The following COPS7A variants were observed in gnomAD, a reference collection of about 807,000 sequenced individuals.
The protein encoded by COPS7A is COP9 signalosome subunit 7A, also known as COP9 signalosome complex subunit 7a.
In COPS7A, 20 loss-of-function variants were observed where a neutral mutation model predicts 35.2. The observed-to-expected ratio is 0.57, with a 90% confidence interval of 0.40 to 0.83. The LOEUF (loss-of-function observed/expected upper bound fraction) is 0.83. Ranked by LOEUF, COPS7A falls within the 40% of genes least tolerant of loss-of-function variation. The pLI is 0.00. For synonymous variants in COPS7A, 139 were observed against 141.4 expected, an observed-to-expected ratio of 0.98 and a Z score of 0.12; for missense variants, 247 against 347.5, an observed-to-expected ratio of 0.71 and a Z score of 2.30.
chr12:6,727,704 C>T, intron 2 of COPS7A: 1 of 667,556 alleles, frequency 1.5e-6, no homozygotes. Flanking sequence ...AGCAAGAGGG[C>T]ATTGTGGTTT....
intron 1 of COPS7A, chr12:6,724,390 T>A (rs772161990): frequency 3.9e-5 from 21 of 533,432 alleles, no homozygotes; most frequent in Non-Finnish European, 7.0e-5. Flanking sequence ...TTCAATGGGG[T>A]GCACGTGATG....
In COPS7A at chr12:6,730,758, G is replaced by C. The variant is rs1287559389; in HGVS notation, c.726G>C (p.Leu242=). Residue 242 remains leucine (L), a synonymous_variant, in exon 7 of 8, where the codon CTG becomes CTC. Transcript: ENST00000543155. The stretch of plus-strand genomic sequence containing the variant: ...ACCCTGAGCAACACCTGACTGAGCT[G>C]AGGGAACCAGCTCCTGGCACCAACC... ...SQDPEQHLTE[L]REPAPGTNQR... is the part of the protein sequence containing the mutation. The C allele has an allele frequency of 6.2e-7, 1 of 1,614,210 alleles. No homozygotes were observed. Among genetic ancestry groups the C allele is most frequent in the East Asian group, 2.2e-5 (1 of 44,888 alleles).
chr12:6,731,313 T>C lies in COPS7A; in HGVS notation c.*274T>C. ...CCCTTGTTTCCTTAAGAGCTCAGCA[T>C]CTGTCCCTGTTCATTACATGTCATT... On this transcript the variant is annotated 3_prime_UTR_variant, in exon 8 of 8. Coordinates refer to ENST00000543155, the MANE Select transcript of COPS7A (RefSeq NM_001164094.2). 7.0e-7 allele frequency: 1 copy of C among 1,428,974 alleles called. No homozygotes were observed. The highest frequency in any genetic ancestry group is 9.1e-7 in the Non-Finnish European group (1 of 1,095,872). 88.5% of individuals were successfully genotyped at this position (1,428,974 alleles called of 1,614,324 possible). A position where few individuals can be genotyped will look rare whatever the true frequency, so the allele number is the denominator to read the frequency against.
chr12:6,724,566 C>T, intron 1 of COPS7A, 48 bp from the exon 2 acceptor site: 7 of 1,514,722 alleles, frequency 4.6e-6, no homozygotes, highest in Non-Finnish European at 6.4e-6. Context: ...TGCTTCCCAT[C>T]CGACCAGCCA....
intron 2 of COPS7A, 117 bp downstream of exon 2, chr12:6,724,935 T>A: frequency 8.8e-7 from 1 of 1,139,702 alleles, no homozygotes; most frequent in Non-Finnish European, 1.3e-6. Flanking sequence ...AAGAAAACAG[T>A]GATAATTAAA....
At position 6,729,149 on chromosome 12, in the gene COPS7A, C is replaced by T; in HGVS notation, c.328-98C>T. 1 of 1,169,758 alleles carries T rather than the reference C, an allele frequency of 8.5e-7. No homozygotes were observed. Among genetic ancestry groups the T allele is most frequent in the Non-Finnish European group, 1.3e-6 (1 of 788,452 alleles). 72.5% of individuals were successfully genotyped at this position (1,169,758 alleles called of 1,614,324 possible). On this transcript the variant is annotated intron_variant, in intron 4 of 7. Transcript: ENST00000543155. This position sits in a 1 kb window ranked among gnomAD's most constrained non-coding sequence, Gnocchi z 4.2. ...GTGATTTAGGAATGGGAGTGGAGGG[C>T]AGGTGGGCTAGGGCAGGGGGAAAAG...
Position 6,729,015 on chromosome 12 carries a change from T to G in COPS7A, c.328-232T>G. ...TTCTGTGGTGTGTCAGGGGTGAGGG[T>G]GTTAGGGGAGCATTTTGTATTTTAT... On this transcript the variant is annotated intron_variant, in intron 4 of 7. Coordinates refer to ENST00000543155, the MANE Select transcript of COPS7A (RefSeq NM_001164094.2). This position sits in a 1 kb window ranked among gnomAD's most constrained non-coding sequence, Gnocchi z 4.2. 3 of 526,464 alleles carry G rather than the reference T, an allele frequency of 5.7e-6. No homozygotes were observed. Among genetic ancestry groups the G allele is most frequent in the Non-Finnish European group, 6.9e-6 (2 of 290,992 alleles). 32.6% of individuals were successfully genotyped at this position (526,464 alleles called of 1,614,324 possible).
rs761197949 is a variant in COPS7A, at chr12:6,724,852, C to A, written c.162+34C>A. 33 of 1,607,538 alleles carry A rather than the reference C, an allele frequency of 2.1e-5. No individual in the cohort carries two copies. The Admixed American group carries it at 3.3e-4, about 16-fold the overall frequency. On this transcript the variant is annotated intron_variant, in intron 2 of 7. Coordinates refer to ENST00000543155, the MANE Select transcript of COPS7A (RefSeq NM_001164094.2). ...CTGGCTTGAATAGCCCTCAGAGAAG[C>A]GTGGGCAAAGGTTTGAATTTGAGAA...
chr12:6,724,225 CT>C, intron 1 of COPS7A, 46 bp downstream of exon 1: 1 of 305,062 alleles, frequency 3.3e-6, no homozygotes, highest in Non-Finnish European at 6.5e-6. Context: ...TGGGCGGTGT[CT>C]TTAAGGGAGG....
intron 3 of COPS7A, 83 bp downstream of exon 3, chr12:6,728,084 T>C: frequency 6.6e-7 from 1 of 1,505,966 alleles, no homozygotes; most frequent in Non-Finnish European, 9.2e-7. Flanking sequence ...ATTCCTGGGA[T>C]ATCCCACTTA....
chr12:6,727,018 C>T (rs1941274083), intron 2 of COPS7A, among the ~76,000 whole-genome samples: 1 of 152,156 alleles, frequency 6.6e-6, no homozygotes, highest in African/African-American at 2.4e-5. Context: ...TAGGTAGCAA[C>T]CTTCTGCAAG....
At chr12:6,726,726 A>T (rs1473722712) in intron 2 of COPS7A, among the ~76,000 whole-genome samples, 2 of 151,688 alleles carry the variant, frequency 1.3e-5, no homozygotes, top group Non-Finnish European at 2.9e-5. Flanking sequence ...GCGCCACTGC[A>T]CTCCAGCCTG....
At chr12:6,724,541 A>T (rs1941200351) in intron 1 of COPS7A, 73 bp from the exon 2 acceptor site, 2 of 1,246,840 alleles carry the variant, frequency 1.6e-6, no homozygotes, top group Non-Finnish European at 2.3e-6. Flanking sequence ...TTTACAATCC[A>T]GTCCCTCAGC....
Position 6,731,503 on chromosome 12 carries a change from C to G in COPS7A, c.*464C>G, listed in dbSNP as rs2137762356. The G allele has an allele frequency of 4.0e-6, 1 of 249,462 alleles. No individual in the cohort carries two copies. Among genetic ancestry groups the G allele is most frequent in the South Asian group, 1.6e-4 (1 of 6,212 alleles). The allele number at this position is 249,462 out of a possible 1,614,324, so 15.5% of individuals were successfully genotyped here. ...CATAGGGCCCCCACCTTTACTCACA[C>G]CCTGAGAATTCTGGGAGCCAGTCTG... On this transcript the variant is annotated 3_prime_UTR_variant, in exon 8 of 8. Coordinates refer to ENST00000543155, the MANE Select transcript of COPS7A (RefSeq NM_001164094.2).
chr12:6,730,653 C>T lies in COPS7A; in HGVS notation c.637-16C>T, dbSNP rs1460648295. On this transcript the variant is annotated splice_polypyrimidine_tract_variant and intron_variant, in intron 6 of 7. Transcript: ENST00000543155. ...TGGAACCTTCCTTGCTATCCCCATT[C>T]CTTTCATCCTGGTAGGTTGCCAACC... 5 of 1,613,900 alleles carry T rather than the reference C, an allele frequency of 3.1e-6. No individual in the cohort carries two copies. Among genetic ancestry groups the T allele is most frequent in the Non-Finnish European group, 3.4e-6 (4 of 1,179,956 alleles).
intron 4 of COPS7A, among the ~76,000 whole-genome samples, chr12:6,728,707 C>A (rs1336518865): frequency 6.6e-6 from 1 of 152,080 alleles, no homozygotes; most frequent in Admixed American, 6.6e-5. Context: ...TGTTTTTTGT[C>A]TAATATCACC....
chr12:6,730,870 C>CAAA, intron 7 of COPS7A, 50 bp downstream of exon 7: 1 of 1,606,308 alleles, frequency 6.2e-7, no homozygotes, highest in Non-Finnish European at 8.5e-7. Flanking sequence ...CCTGCTTTTA[C>CAAA]CCCAGGGACC....
At chr12:6,728,510 C>A (rs1194057598) in intron 4 of COPS7A, among the ~76,000 whole-genome samples, 199 bp downstream of exon 4, 2 of 152,152 alleles carry the variant, frequency 1.3e-5, no homozygotes, top group African/African-American at 4.8e-5. Flanking sequence ...TTTTAATCAA[C>A]TTAAGTTCTA....
chr12:6,724,157 C>T lies in COPS7A; in HGVS notation c.-66C>T. 4.0e-6 allele frequency: 1 copy of T among 249,138 alleles called. No homozygotes were observed. Among genetic ancestry groups the T allele is most frequent in the Non-Finnish European group, 8.1e-6 (1 of 122,828 alleles). 15.4% of individuals were successfully genotyped at this position (249,138 alleles called of 1,614,324 possible). A position where few individuals can be genotyped will look rare whatever the true frequency, so the allele number is the denominator to read the frequency against. Reference sequence around the variant, plus strand: ...GCTGGAGGTCGAAGCTTCCAGGTAGCGGCCCGCAGAGCCTGACCCAGGGTA... The same window carrying T: ...GCTGGAGGTCGAAGCTTCCAGGTAGTGGCCCGCAGAGCCTGACCCAGGGTA... On this transcript the variant is annotated 5_prime_UTR_variant, in exon 1 of 8. Coordinates refer to ENST00000543155, the MANE Select transcript of COPS7A (RefSeq NM_001164094.2).
Sources: allele counts gnomAD v4.1 joint callset (sites outside exome capture counted in the v4.1 genomes callset), GRCh38; gene constraint gnomAD v4.1.1; non-coding constraint Gnocchi (gnomAD v3.1); transcripts MANE v1.5; gene names NCBI Gene and HGNC (gene_info 2026-07-23, HGNC 2026-07-21).